Variants in AGAP1 observed in about 807,000 individuals in gnomAD.
The protein encoded by AGAP1 is arf-GAP with GTPase, ANK repeat and PH domain-containing protein 1.
AGAP1 carries 29 observed loss-of-function variants against 105.3 expected under a neutral mutation model. The observed-to-expected ratio is 0.28, with a 90% CI of 0.21 to 0.38. AGAP1 has a LOEUF of 0.38. Ranked by LOEUF, AGAP1 falls within the 10% of genes least tolerant of loss-of-function variation. The pLI is 1.00. For missense variants in AGAP1, 998 were observed against 1,165.1 expected, an observed-to-expected ratio of 0.86 and a Z score of 2.09; for synonymous variants, 509 against 485.9, an observed-to-expected ratio of 1.05 and a Z score of -0.63.
In AGAP1 at chr2:235,586,691, G is replaced by A. The variant is rs1233611820; in HGVS notation, c.163+91842G>A. Among the ~76,000 whole-genome samples the A allele has an allele frequency of 2.0e-5, 3 of 152,148 alleles. No homozygotes were observed. The highest frequency in any genetic ancestry group is 6.5e-5 in the Admixed American group (1 of 15,278). ...GAGTGAGACTGTGCAGGACTGCCCCGTACAGTACGGCTTCTATGTGTGAAC... is the reference window on the plus strand; with the variant it reads ...GAGTGAGACTGTGCAGGACTGCCCCATACAGTACGGCTTCTATGTGTGAAC... On this transcript the variant is annotated intron_variant, in intron 1 of 17. Coordinates refer to ENST00000304032, the MANE Select transcript of AGAP1 (RefSeq NM_001037131.3). This position sits in a 1 kb window ranked among gnomAD's most constrained non-coding sequence, Gnocchi z 4.2.
chr2:235,779,768 GAATTA>G (rs1344347000), intron 6 of AGAP1, among the ~76,000 whole-genome samples: 1 of 152,222 alleles, frequency 6.6e-6, no homozygotes, highest in African/African-American at 2.4e-5. Flanking sequence ...AAGATACAAT[GAATTA>G]AATTAGGCAT....
intron 9 of AGAP1, chr2:235,852,887 C>A (rs1169148602): frequency 1.5e-6 from 2 of 1,340,150 alleles, no homozygotes; most frequent in Non-Finnish European, 1.9e-6. Flanking sequence ...AACTCCAGAT[C>A]GGCCGATAGC....
chr2:235,682,398 A>AGTG (rs200722135), intron 1 of AGAP1, among the ~76,000 whole-genome samples: 4,815 of 152,002 alleles, frequency 0.032, 251 homozygotes, highest in African/African-American at 0.11. Context: ...GCTGGAGTGC[A>AGTG]GTGGTGCACT....
At position 235,653,282 on chromosome 2, in the gene AGAP1, G is replaced by A. The variant is rs534480984; in HGVS notation, c.164-55897G>A. Among the ~76,000 whole-genome samples the A allele has an allele frequency of 4.1e-3, 617 of 151,964 alleles. 2 individuals carry two copies. Among genetic ancestry groups the A allele is most frequent in the Non-Finnish European group, 4.8e-3 (329 of 67,976 alleles). On this transcript the variant is annotated intron_variant, in intron 1 of 17. Coordinates refer to ENST00000304032, the MANE Select transcript of AGAP1 (RefSeq NM_001037131.3). ...AGATCGAGACCATCCTGGCTATCAC[G>A]GTGAAACACTGTCTCTCCTAAAAAT...
At chr2:235,735,961 A>G (rs1050327028) in intron 3 of AGAP1, among the ~76,000 whole-genome samples, 2 of 151,964 alleles carry the variant, frequency 1.3e-5, no homozygotes, top group African/African-American at 4.8e-5. Flanking sequence ...GCAGAAAGCC[A>G]AGCCCAGAAG....
At chr2:236,043,212 T>C (rs924682363) in intron 15 of AGAP1, among the ~76,000 whole-genome samples, 10 of 152,194 alleles carry the variant, frequency 6.6e-5, no homozygotes, top group Admixed American at 3.3e-4. Flanking sequence ...TTCGACAATG[T>C]ATATAAAAAG....
At chr2:236,011,784 T>C (rs1479026783) in intron 13 of AGAP1, among the ~76,000 whole-genome samples, 2 of 152,138 alleles carry the variant, frequency 1.3e-5, no homozygotes, top group African/African-American at 4.8e-5. Context: ...CTAGTCCCCC[T>C]GAAGTCCCCG....
intron 1 of AGAP1, among the ~76,000 whole-genome samples, chr2:235,703,037 C>T (rs932324237): frequency 2.0e-5 from 3 of 149,654 alleles, no homozygotes; most frequent in Non-Finnish European, 4.4e-5. Context: ...AAGCAATTCT[C>T]CTGCCCCAGC....
At chr2:235,650,442 T>C (rs1217407026) in intron 1 of AGAP1, among the ~76,000 whole-genome samples, 1 of 152,206 alleles carries the variant, frequency 6.6e-6, no homozygotes, top group Non-Finnish European at 1.5e-5. Flanking sequence ...TAGACATCCA[T>C]GTCTTCCTCC....
intron 16 of AGAP1, among the ~76,000 whole-genome samples, chr2:236,079,976 A>T (rs993561665): frequency 3.3e-5 from 5 of 152,234 alleles, no homozygotes; most frequent in African/African-American, 1.2e-4. Context: ...AAAATCCGTT[A>T]TTCACAGCAA....
Position 235,741,803 on chromosome 2 carries a change from G to T in AGAP1, c.396+755G>T, listed in dbSNP as rs1363522108. On this transcript the variant is annotated intron_variant, in intron 4 of 17. Transcript: ENST00000304032. This position sits in a 1 kb window ranked among gnomAD's most constrained non-coding sequence, Gnocchi z 4.9. ...CAGTCTCGCTCTGTTACCCAGGCTG[G>T]AGTGCAGTGACGTGATCTCGGCTCA... Among the ~76,000 whole-genome samples, 1 of 151,280 alleles carries T rather than the reference G, an allele frequency of 6.6e-6. No homozygotes were observed. The highest frequency in any genetic ancestry group is 1.5e-5 in the Non-Finnish European group (1 of 67,886).
chr2:235,522,229 T>C (rs1942650648), intron 1 of AGAP1, among the ~76,000 whole-genome samples: 1 of 152,174 alleles, frequency 6.6e-6, no homozygotes, highest in African/African-American at 2.4e-5. Flanking sequence ...GCTGGAGCTG[T>C]GGACAGGGAG....
At chr2:235,539,565 C>G (rs531620202) in intron 1 of AGAP1, among the ~76,000 whole-genome samples, 5 of 152,196 alleles carry the variant, frequency 3.3e-5, no homozygotes, top group Admixed American at 6.5e-5. Flanking sequence ...CACCTCCTCT[C>G]CCATATTTCC....
rs1468864191 is a variant in AGAP1 at position 235,973,426 on chromosome 2, T to C, written c.1645+4803T>C. 6.6e-6 allele frequency among the ~76,000 whole-genome samples: 1 copy of C among 152,214 alleles called. No individual in the cohort carries two copies. Among genetic ancestry groups the C allele is most frequent in the Non-Finnish European group, 1.5e-5 (1 of 68,038 alleles). ...ATGTGTGGATGACAGAGCCCGTCGC[T>C]AGGCTCTTATGTCACAGATGGGCTG... On this transcript the variant is annotated intron_variant, in intron 13 of 17. Coordinates refer to ENST00000304032, the MANE Select transcript of AGAP1 (RefSeq NM_001037131.3). The surrounding 1 kb of genome is among the most constrained non-coding windows in gnomAD (Gnocchi z 4.7).
In AGAP1 at chr2:235,561,041, C is replaced by T. The variant is rs536520229; in HGVS notation, c.163+66192C>T. Among the ~76,000 whole-genome samples the T allele has an allele frequency of 8.5e-5, 13 of 152,236 alleles. No individual in the cohort carries two copies. In the South Asian group the frequency reaches 1.9e-3, roughly 22 times the overall value. On this transcript the variant is annotated intron_variant, in intron 1 of 17. Coordinates refer to ENST00000304032, the MANE Select transcript of AGAP1 (RefSeq NM_001037131.3). ...GGGAGTGTTTCTTTGGAGTGGGTGC[C>T]GCTGCCTGGTTGTTTGGGCCATGCA...
chr2:235,650,231 C>T (rs1355440939), intron 1 of AGAP1, among the ~76,000 whole-genome samples: 1 of 152,050 alleles, frequency 6.6e-6, no homozygotes, highest in Non-Finnish European at 1.5e-5. Context: ...CATGGTGGTG[C>T]ACGCTTGTAA....
chr2:235,711,791 G>A (rs975829815), intron 2 of AGAP1, among the ~76,000 whole-genome samples: 24 of 152,270 alleles, frequency 1.6e-4, no homozygotes, highest in African/African-American at 4.8e-4. Context: ...CTATAGGGCT[G>A]CAATTGTTTC....
intron 9 of AGAP1, among the ~76,000 whole-genome samples, chr2:235,837,025 G>C (rs1408707140): frequency 6.6e-6 from 1 of 152,174 alleles, no homozygotes; most frequent in African/African-American, 2.4e-5. Context: ...TGCTCTTGTT[G>C]CCCGGTCTGG....
rs574244762 is a variant in AGAP1 at position 236,052,302 on chromosome 2, G to A, written c.2114+3021G>A. ...AGTGGAATATAATTAGAAATGCGTC[G>A]TTCAGCCTGCCCCCACCCCCAAACA... is the stretch of plus-strand genomic sequence containing the variant. On this transcript the variant is annotated intron_variant, in intron 16 of 17. Transcript: ENST00000304032. 3.9e-5 allele frequency among the ~76,000 whole-genome samples: 6 copies of A among 152,190 alleles called. No individual in the cohort carries two copies. In the South Asian group the frequency reaches 6.2e-4, roughly 16 times the overall value.
Sources: allele counts gnomAD v4.1 joint callset (sites outside exome capture counted in the v4.1 genomes callset), GRCh38; gene constraint gnomAD v4.1.1; non-coding constraint Gnocchi (gnomAD v3.1); transcripts MANE v1.5; gene names NCBI Gene and HGNC (gene_info 2026-07-23, HGNC 2026-07-21).